Variants in DOCK4 observed in about 807,000 individuals in gnomAD.
DOCK4 encodes the protein dedicator of cytokinesis protein 4.
In DOCK4, 97 loss-of-function variants were observed where a neutral mutation model predicts 268.1. That is an observed-to-expected ratio of 0.36 (90% CI 0.31 to 0.43). DOCK4 has a LOEUF of 0.43. Ranked by LOEUF, DOCK4 falls within the 20% of genes least tolerant of loss-of-function variation. The pLI is 1.00. For missense variants in DOCK4, 2,145 were observed against 2,455.7 expected (o/e 0.87, Z 2.67); for synonymous variants, 954 against 887.2 (o/e 1.08, Z -1.34).
rs752689972 is a variant in DOCK4 at position 112,105,685 on chromosome 7, C to CTTTT, written c.37+100413_37+100416dup. Among the ~76,000 whole-genome samples, 1,186 of 135,756 alleles carry CTTTT rather than the reference C, an allele frequency of 8.7e-3. 19 individuals are homozygous for CTTTT. The highest frequency in any genetic ancestry group is 0.03 in the African/African-American group (1,096 of 36,818). The allele number at this position is 135,756 out of a possible 152,430, so 89.1% of individuals were successfully genotyped here. A position where few individuals can be genotyped will look rare whatever the true frequency, so the allele number is the denominator to read the frequency against. On this transcript the variant is annotated intron_variant, in intron 1 of 52. Coordinates refer to ENST00000428084, the MANE Select transcript of DOCK4 (RefSeq NM_001363540.2). ...CTCGTCATTCCACTTCCTCCTCTTC[C>CTTTT]TTTTTTTTTTTTTTTTTCTTCGAGG... is the stretch of plus-strand genomic sequence containing the variant.
At chr7:111,848,386 A>G (rs1804279235) in intron 23 of DOCK4, among the ~76,000 whole-genome samples, 1 of 152,210 alleles carries the variant, frequency 6.6e-6, no homozygotes, top group Non-Finnish European at 1.5e-5. Flanking sequence ...GCTTGGTGAA[A>G]GCGATGCTAC....
intron 1 of DOCK4, among the ~76,000 whole-genome samples, chr7:112,141,651 T>C (rs1443173567): frequency 6.6e-6 from 1 of 152,206 alleles, no homozygotes; most frequent in Non-Finnish European, 1.5e-5. Flanking sequence ...AGAACATGGA[T>C]TGATGTATAA....
At chr7:112,204,917 C>T (rs1821258301) in intron 1 of DOCK4, among the ~76,000 whole-genome samples, 1 of 150,432 alleles carries the variant, frequency 6.6e-6, no homozygotes, top group Non-Finnish European at 1.5e-5. Flanking sequence ...ACAAAGTACA[C>T]CAGTCGGCAG....
chr7:112,206,043 G>T, intron 1 of DOCK4, 59 bp downstream of exon 1: 1 of 1,539,140 alleles, frequency 6.5e-7, no homozygotes, highest in South Asian at 1.2e-5. Flanking sequence ...GGGCAAGGAC[G>T]AGAAATGCGC....
At chr7:112,044,792 C>G (rs937684949) in intron 1 of DOCK4, among the ~76,000 whole-genome samples, 1 of 152,060 alleles carries the variant, frequency 6.6e-6, no homozygotes. Flanking sequence ...TGGATAGGTT[C>G]TTTAACATAA....
At chr7:112,191,965 T>C (rs1819990485) in intron 1 of DOCK4, among the ~76,000 whole-genome samples, 1 of 148,274 alleles carries the variant, frequency 6.7e-6, no homozygotes. Context: ...ATAATATATA[T>C]TATAATTATA....
At chr7:111,870,953 G>C (rs913175780) in intron 20 of DOCK4, among the ~76,000 whole-genome samples, 1 of 152,202 alleles carries the variant, frequency 6.6e-6, no homozygotes, top group Non-Finnish European at 1.5e-5. Context: ...TCCTGCGGTT[G>C]CATTTCACTC....
chr7:111,940,018 C>G, intron 11 of DOCK4, 92 bp downstream of exon 11: 1 of 1,343,476 alleles, frequency 7.4e-7, no homozygotes, highest in Non-Finnish European at 1.1e-6. Flanking sequence ...ACCCATTGTT[C>G]TTCTCTACCC....
intron 42 of DOCK4, among the ~76,000 whole-genome samples, chr7:111,754,659 A>T (rs189945631): frequency 2.0e-5 from 3 of 152,378 alleles, no homozygotes; most frequent in African/African-American, 7.2e-5. Context: ...TATGGCTGAC[A>T]TCGAGGTGCT....
intron 1 of DOCK4, among the ~76,000 whole-genome samples, chr7:112,021,863 G>A (rs1166865105): frequency 6.6e-6 from 1 of 152,096 alleles, no homozygotes; most frequent in African/African-American, 2.4e-5. Flanking sequence ...ACATGAGCCA[G>A]CTGATCTCCA....
At chr7:111,848,272 C>CTATCA (rs1450453511) in intron 23 of DOCK4, among the ~76,000 whole-genome samples, 3 of 152,094 alleles carry the variant, frequency 2.0e-5, no homozygotes, top group Non-Finnish European at 2.9e-5. Context: ...ATTATTTATG[C>CTATCA]TATCAGATAT....
intron 23 of DOCK4, among the ~76,000 whole-genome samples, chr7:111,861,730 A>C (rs568277436): frequency 1.5e-3 from 215 of 141,668 alleles, no homozygotes; most frequent in South Asian, 0.015. Context: ...TGGGTGGCTG[A>C]GCAAGACTCA....
At chr7:111,846,793 T>C (rs769515856) in intron 24 of DOCK4, among the ~76,000 whole-genome samples, 1 of 152,182 alleles carries the variant, frequency 6.6e-6, no homozygotes, top group Non-Finnish European at 1.5e-5. Flanking sequence ...AAATACAAGT[T>C]TGGGGAACCC....
intron 26 of DOCK4, 62 bp downstream of exon 26, chr7:111,834,526 T>C: frequency 8.1e-7 from 1 of 1,242,016 alleles, no homozygotes; most frequent in Non-Finnish European, 1.1e-6. Flanking sequence ...TCAACAGTGA[T>C]GAATAAAAAC....
chr7:112,012,304 G>A (rs1286121291), intron 1 of DOCK4, among the ~76,000 whole-genome samples: 1 of 151,158 alleles, frequency 6.6e-6, no homozygotes, highest in African/African-American at 2.4e-5. Flanking sequence ...AACCTCAAGA[G>A]GAAAAAAAGC....
At chr7:112,162,140 C>T (rs1563145492) in intron 1 of DOCK4, among the ~76,000 whole-genome samples, 2 of 152,164 alleles carry the variant, frequency 1.3e-5, no homozygotes, top group African/African-American at 2.4e-5. Context: ...GTAAGTAATT[C>T]CAAATAGCGT....
chr7:111,861,484 C>T (rs958011429), intron 23 of DOCK4, among the ~76,000 whole-genome samples: 5 of 151,892 alleles, frequency 3.3e-5, no homozygotes, highest in African/African-American at 4.8e-5. Flanking sequence ...TGGTGGCTCA[C>T]GCCTGTAATC....
At position 111,782,875 on chromosome 7, in the gene DOCK4, C is replaced by A; in HGVS notation, c.3574G>T (p.Val1192Phe). ...AATAGTTTACTAACCAGAAGGCTAA[C>A]TGTGCAGCCAATCTTTTTGCCATCT... is the stretch of plus-strand genomic sequence containing the variant. Reference protein sequence around the residue: ...EVDGKKIGCTVSLLNFYKTEL... With the variant: ...EVDGKKIGCTFSLLNFYKTEL... Residue 1192 changes from valine to phenylalanine, a missense_variant, in exon 35 of 53, where the codon GTT becomes TTT. Val to Phe is a conservative substitution (Grantham distance 50). Transcript: ENST00000428084. The A allele has an allele frequency of 6.2e-7, 1 of 1,613,692 alleles. No individual in the cohort carries two copies. Among genetic ancestry groups the A allele is most frequent in the Non-Finnish European group, 8.5e-7 (1 of 1,179,746 alleles).
intron 1 of DOCK4, among the ~76,000 whole-genome samples, chr7:112,181,362 A>G (rs547850837): frequency 5.3e-5 from 8 of 152,266 alleles, no homozygotes; most frequent in African/African-American, 1.9e-4. Flanking sequence ...TTGGAATAGC[A>G]TGATACTGGG....
Sources: gnomAD v4.1 joint callset for allele counts (sites outside exome capture counted in the v4.1 genomes callset) on GRCh38, gnomAD v4.1.1 for gene constraint, MANE v1.5 for transcripts, NCBI Gene and HGNC (gene_info 2026-07-23, HGNC 2026-07-21) for gene names.